Variants in ADAP1 observed in about 807,000 individuals in gnomAD.
The protein encoded by ADAP1 is ArfGAP with dual PH domains 1, also known as arf-GAP with dual PH domain-containing protein 1.
Under a neutral mutation model 54.9 loss-of-function variants are expected in ADAP1, and 31 were observed. The ratio of observed to expected loss-of-function variants is 0.56; its 90% CI spans 0.42 to 0.76. The LOEUF (loss-of-function observed/expected upper bound fraction) is 0.76. Among genes scored for constraint, ADAP1 ranks in the 30% least tolerant of loss-of-function variants. The pLI is 0.00. For synonymous variants in ADAP1, 313 were observed against 202.6 expected (o/e 1.55, Z -4.63); for missense variants, 535 against 512.4 (o/e 1.04, Z -0.42).
chr7:903,595 G>C (rs1161553903), intron 6 of ADAP1, among the ~76,000 whole-genome samples: 3 of 152,134 alleles, frequency 2.0e-5, no homozygotes, highest in African/African-American at 2.4e-5. Context: ...AAGACAAAAG[G>C]ATAGCTTTTG....
intron 7 of ADAP1, 30 bp from the exon 8 acceptor site, chr7:900,194 T>G: frequency 1.9e-6 from 3 of 1,612,342 alleles, no homozygotes; most frequent in Non-Finnish European, 2.5e-6. Context: ...GCAGGGGACC[T>G]CAGAAGTGCA....
rs1364437810 is a variant in ADAP1 at position 906,457 on chromosome 7, G to GGAAAGGAGAAAGGA, written c.389-1299_389-1286dup. The stretch of plus-strand genomic sequence containing the variant: ...AAAGGAGAAAGGAGAAAGGAGAAAG[G>GGAAAGGAGAAAGGA]GAAAGGAGAAAGGAGAAAGGAGAAA... On this transcript the variant is annotated intron_variant, in intron 4 of 10. Transcript: ENST00000265846. Among the ~76,000 whole-genome samples the GGAAAGGAGAAAGGA allele has an allele frequency of 3.3e-4, 23 of 69,608 alleles. 1 individual carries two copies. Among genetic ancestry groups the GGAAAGGAGAAAGGA allele is most frequent in the Non-Finnish European group, 7.6e-4 (20 of 26,490 alleles). The allele number at this position is 69,608 out of a possible 152,430, so 45.7% of individuals were successfully genotyped here.
intron 5 of ADAP1, 38 bp downstream of exon 5, chr7:905,009 CGGGATGCCGCCCT>C: frequency 1.3e-6 from 2 of 1,541,654 alleles, no homozygotes; most frequent in Non-Finnish European, 1.8e-6. Context: ...TGTGGGAGGC[CGGGATGCCGCCCT>C]GGGACAGGCC....
chr7:922,276 CAG>C (rs1846218184), intron 3 of ADAP1, among the ~76,000 whole-genome samples: 1 of 152,160 alleles, frequency 6.6e-6, no homozygotes, highest in African/African-American at 2.4e-5. Context: ...TTCCAGGGCT[CAG>C]GGGAGCCAGG....
chr7:941,066 T>A (rs1442925222), intron 1 of ADAP1, among the ~76,000 whole-genome samples: 2 of 151,570 alleles, frequency 1.3e-5, no homozygotes, highest in African/African-American at 4.9e-5. Context: ...TTTCCCCAAT[T>A]TGACATAGAT....
intron 2 of ADAP1, among the ~76,000 whole-genome samples, chr7:928,041 C>T (rs1230738939): frequency 7.8e-6 from 1 of 128,950 alleles, no homozygotes; most frequent in Non-Finnish European, 1.6e-5. Flanking sequence ...CATAGTGAGA[C>T]CCTGTCTCTC....
chr7:933,545 C>G (rs62433080), intron 2 of ADAP1, among the ~76,000 whole-genome samples: 567 of 52,670 alleles, frequency 0.011, 2 homozygotes, highest in Middle Eastern at 0.039. Flanking sequence ...GTCAGTGGTG[C>G]TGGAGAGCCG....
chr7:948,505 T>G (rs1362555285), intron 1 of ADAP1, among the ~76,000 whole-genome samples: 1 of 152,114 alleles, frequency 6.6e-6, no homozygotes, highest in Non-Finnish European at 1.5e-5. Flanking sequence ...TGCCCCGGTC[T>G]TAGCAGAACT....
intron 4 of ADAP1, among the ~76,000 whole-genome samples, chr7:911,433 G>T (rs949390898): frequency 1.4e-4 from 21 of 152,146 alleles, no homozygotes; most frequent in African/African-American, 5.1e-4. Context: ...TCAGCCCCAG[G>T]GTACCCCCCT....
At chr7:918,729 G>A (rs1012287118) in intron 4 of ADAP1, among the ~76,000 whole-genome samples, 3 of 152,190 alleles carry the variant, frequency 2.0e-5, no homozygotes, top group African/African-American at 7.2e-5. Flanking sequence ...CGACACGGTG[G>A]AGAAAGGGGC....
chr7:937,155 CTG>C (rs532871077), intron 1 of ADAP1, among the ~76,000 whole-genome samples: 3 of 103,676 alleles, frequency 2.9e-5, no homozygotes, highest in East Asian at 3.3e-4. Flanking sequence ...CGCCCGGCCT[CTG>C]GGATTTGGGG....
intron 4 of ADAP1, among the ~76,000 whole-genome samples, chr7:916,580 G>A (rs1845940572): frequency 6.6e-6 from 1 of 152,210 alleles, no homozygotes; most frequent in African/African-American, 2.4e-5. Flanking sequence ...AGGCAGGAGT[G>A]GAGCGAGGGG....
intron 1 of ADAP1, among the ~76,000 whole-genome samples, 187 bp downstream of exon 1, chr7:954,209 C>A (rs1847333755): frequency 6.6e-6 from 1 of 151,612 alleles, no homozygotes; most frequent in Non-Finnish European, 1.5e-5. Flanking sequence ...GGAAGACGTC[C>A]GGGTCCCCGC....
At chr7:916,138 C>G (rs1305405735) in intron 4 of ADAP1, among the ~76,000 whole-genome samples, 4 of 152,236 alleles carry the variant, frequency 2.6e-5, no homozygotes, top group African/African-American at 9.6e-5. Context: ...GAGACAGGGA[C>G]TTTTTCCAGC....
chr7:914,806 T>TCA (rs1251200996), intron 4 of ADAP1, among the ~76,000 whole-genome samples: 2 of 152,060 alleles, frequency 1.3e-5, no homozygotes, highest in Non-Finnish European at 2.9e-5. Context: ...GCACAGACAG[T>TCA]CACCGCCTGC....
chr7:937,687 CCCGGCCTCTGGGATTTGGGGGTCAT>C lies in ADAP1; in HGVS notation c.83-2207_83-2183del, dbSNP rs1562934320. On this transcript the variant is annotated intron_variant, in intron 1 of 10. Coordinates refer to ENST00000265846, the MANE Select transcript of ADAP1 (RefSeq NM_006869.4). ...CGGCCTCTGGGATTTGGGGGTCATG[CCCGGCCTCTGGGATTTGGGGGTCAT>C]GCCCGACCTCTGGGATTTGGGGGTC... is the stretch of plus-strand genomic sequence containing the variant. Among the ~76,000 whole-genome samples the C allele has an allele frequency of 3.9e-3, 322 of 82,746 alleles. 84 individuals carry two copies. Among genetic ancestry groups the C allele is most frequent in the African/African-American group, 4.9e-3 (100 of 20,468 alleles). 54.3% of individuals were successfully genotyped at this position (82,746 alleles called of 152,430 possible).
intron 6 of ADAP1, chr7:901,210 G>GC: frequency 2.8e-6 from 1 of 358,822 alleles, no homozygotes; most frequent in South Asian, 2.1e-5. Context: ...CTGGCACCCA[G>GC]CCCCACGTCG....
intron 4 of ADAP1, among the ~76,000 whole-genome samples, chr7:914,249 G>C (rs1351730547): frequency 6.6e-6 from 1 of 152,224 alleles, no homozygotes; most frequent in Non-Finnish European, 1.5e-5. Flanking sequence ...GCCAACGTGG[G>C]GTTGTGGGTG....
chr7:905,177 G>C lies in ADAP1; in HGVS notation c.389-5C>G, dbSNP rs1845047468. 1 of 1,609,910 alleles carries C rather than the reference G, an allele frequency of 6.2e-7. No individual in the cohort carries two copies. Among genetic ancestry groups the C allele is most frequent in the Non-Finnish European group, 8.5e-7 (1 of 1,178,912 alleles). On this transcript the variant is annotated splice_region_variant and splice_polypyrimidine_tract_variant and intron_variant, in intron 4 of 10. Coordinates refer to ENST00000265846, the MANE Select transcript of ADAP1 (RefSeq NM_006869.4). Reference sequence around the variant, plus strand: ...AGAGAAAACCCTCACGGTACCCTGTGGGGGAAAGGGGACACGAGTCGGTGA... The same window carrying C: ...AGAGAAAACCCTCACGGTACCCTGTCGGGGAAAGGGGACACGAGTCGGTGA...
Sources: allele counts gnomAD v4.1 joint callset (sites outside exome capture counted in the v4.1 genomes callset), GRCh38; gene constraint gnomAD v4.1.1; transcripts MANE v1.5; gene names NCBI Gene and HGNC (gene_info 2026-07-23, HGNC 2026-07-21).